Variants in KIAA0825 observed in about 807,000 individuals in gnomAD.
The protein encoded by KIAA0825 is KIAA0825, also known as uncharacterized protein KIAA0825.
In KIAA0825, 119 loss-of-function variants were observed where a neutral mutation model predicts 147.6. That is an observed-to-expected ratio of 0.81 (90% CI 0.69 to 0.94). The LOEUF is 0.94. Ranked by LOEUF, KIAA0825 falls within the 40% of genes least tolerant of loss-of-function variation. KIAA0825 has a pLI of 0.00. For synonymous variants in KIAA0825, 470 were observed against 518.1 expected (o/e 0.91, Z 1.26); for missense variants, 1,381 against 1,472.7 (o/e 0.94, Z 1.02).
intron 20 of KIAA0825, among the ~76,000 whole-genome samples, chr5:94,283,530 T>C (rs1777548288): frequency 6.6e-6 from 1 of 152,040 alleles, no homozygotes; most frequent in Non-Finnish European, 1.5e-5. Flanking sequence ...TCACTAAAAA[T>C]AGCAAAATCC....
intron 15 of KIAA0825, chr5:94,414,219 A>C (rs1398657538): frequency 6.6e-6 from 1 of 152,238 alleles, no homozygotes; most frequent in Non-Finnish European, 1.5e-5. Flanking sequence ...GCCATTATCG[A>C]GGAGCCAAGT....
At position 94,391,692 on chromosome 5, in the gene KIAA0825, G is replaced by A; in HGVS notation, c.3299C>T (p.Ala1100Val). 6.5e-7 allele frequency: 1 copy of A among 1,533,066 alleles called. No individual in the cohort carries two copies. Among genetic ancestry groups the A allele is most frequent in the Non-Finnish European group, 8.8e-7 (1 of 1,138,182 alleles). The allele number at this position is 1,533,066 out of a possible 1,614,324, so 95.0% of individuals were successfully genotyped here. A position where few individuals can be genotyped will look rare whatever the true frequency, so the allele number is the denominator to read the frequency against. The change falls in exon 18 of 21, where the codon GCA (alanine) becomes GTA (valine). Residue 1100 changes from alanine (A) to valine (V), a missense_variant and splice_region_variant. By Grantham distance (64) the Ala-to-Val change is moderately conservative. Coordinates refer to ENST00000682413, the MANE Select transcript of KIAA0825 (RefSeq NM_001145678.3). Reference sequence around the variant, plus strand: ...CGTGCTTTTCTCTATTGTCATAAATGCACTAAATACAAAGAAAGCATATAC... The same window carrying A: ...CGTGCTTTTCTCTATTGTCATAAATACACTAAATACAAAGAAAGCATATAC... Reference protein sequence around the residue: ...LKARKLSTECAFMTIEKSTAL... With the variant: ...LKARKLSTECVFMTIEKSTAL...
intron 20 of KIAA0825, among the ~76,000 whole-genome samples, chr5:94,379,704 A>T (rs970310990): frequency 3.9e-5 from 6 of 151,992 alleles, no homozygotes; most frequent in Non-Finnish European, 7.4e-5. Context: ...TTTTAACAAT[A>T]TTGATTATTC....
intron 17 of KIAA0825, among the ~76,000 whole-genome samples, chr5:94,395,395 G>C (rs1288365432): frequency 2.0e-5 from 3 of 152,190 alleles, no homozygotes; most frequent in Non-Finnish European, 2.9e-5. Context: ...GTGATCTGTA[G>C]ACCATGTGAG....
At chr5:94,439,159 A>T (rs1252639158) in intron 14 of KIAA0825, among the ~76,000 whole-genome samples, 1 of 152,194 alleles carries the variant, frequency 6.6e-6, no homozygotes, top group Non-Finnish European at 1.5e-5. Context: ...CTATTCTGGG[A>T]TCATATTTGA....
At chr5:94,202,984 C>G (rs1304580817) in intron 20 of KIAA0825, among the ~76,000 whole-genome samples, 2 of 152,308 alleles carry the variant, frequency 1.3e-5, no homozygotes, top group Middle Eastern at 3.4e-3. Flanking sequence ...TTTCTTAGAA[C>G]TGTACCCCTA....
At chr5:94,361,205 G>A (rs1050252081) in intron 20 of KIAA0825, among the ~76,000 whole-genome samples, 3 of 152,100 alleles carry the variant, frequency 2.0e-5, no homozygotes, top group Non-Finnish European at 4.4e-5. Context: ...ATTTTTGCAA[G>A]TTTTTTCATA....
chr5:94,369,744 T>TCGTA (rs1178410675), intron 20 of KIAA0825, among the ~76,000 whole-genome samples: 1 of 152,004 alleles, frequency 6.6e-6, no homozygotes, highest in Admixed American at 6.6e-5. Flanking sequence ...AACCAAAGAC[T>TCGTA]CGTATATAGA....
intron 14 of KIAA0825, among the ~76,000 whole-genome samples, chr5:94,433,700 C>T (rs763537171): frequency 6.6e-6 from 1 of 152,108 alleles, no homozygotes; most frequent in Non-Finnish European, 1.5e-5. Flanking sequence ...AGAGCTGTTA[C>T]GAGGTTTCAA....
chr5:94,161,337 T>A (rs1251733375), intron 20 of KIAA0825, among the ~76,000 whole-genome samples: 2 of 152,202 alleles, frequency 1.3e-5, no homozygotes, highest in Non-Finnish European at 2.9e-5. Flanking sequence ...TCTCACGCAT[T>A]GTGTTTTCCC....
At chr5:94,196,576 G>C (rs1401921929) in intron 20 of KIAA0825, among the ~76,000 whole-genome samples, 1 of 151,930 alleles carries the variant, frequency 6.6e-6, no homozygotes, top group East Asian at 1.9e-4. Flanking sequence ...CAGGTAATGA[G>C]CATAGTATCA....
intron 20 of KIAA0825, among the ~76,000 whole-genome samples, chr5:94,370,670 G>A (rs1746560020): frequency 6.6e-6 from 1 of 152,054 alleles, no homozygotes; most frequent in African/African-American, 2.4e-5. Context: ...ACTTTGGGAG[G>A]CCGAGGCGGG....
intron 13 of KIAA0825, among the ~76,000 whole-genome samples, chr5:94,448,065 C>G (rs1294746314): frequency 1.3e-5 from 2 of 151,518 alleles, no homozygotes; most frequent in Non-Finnish European, 2.9e-5. Context: ...TTATAATTGA[C>G]TAGGACAGCA....
chr5:94,299,980 G>A (rs1426824497), intron 20 of KIAA0825, among the ~76,000 whole-genome samples: 3 of 151,622 alleles, frequency 2.0e-5, no homozygotes, highest in African/African-American at 7.3e-5. Context: ...GGGCAAATTC[G>A]TTATATATAT....
chr5:94,271,707 A>G (rs1404244490), intron 20 of KIAA0825, among the ~76,000 whole-genome samples: 1 of 152,190 alleles, frequency 6.6e-6, no homozygotes, highest in African/African-American at 2.4e-5. Context: ...AGACCAGGCC[A>G]CTGCACTCCA....
At chr5:94,442,464 C>G (rs1757204270) in intron 13 of KIAA0825, among the ~76,000 whole-genome samples, 1 of 152,162 alleles carries the variant, frequency 6.6e-6, no homozygotes. Flanking sequence ...TTTATCAGTT[C>G]TGAACATCCC....
At chr5:94,181,028 GAGTTTT>G (rs1277581967) in intron 20 of KIAA0825, among the ~76,000 whole-genome samples, 3 of 152,076 alleles carry the variant, frequency 2.0e-5, no homozygotes, top group Admixed American at 1.3e-4. Flanking sequence ...TCAGAGTTGT[GAGTTTT>G]TACCATTTTT....
intron 20 of KIAA0825, among the ~76,000 whole-genome samples, chr5:94,263,799 T>C (rs946400421): frequency 2.0e-5 from 3 of 152,250 alleles, no homozygotes; most frequent in Non-Finnish European, 4.4e-5. Flanking sequence ...ACGTCCACTT[T>C]TGTAACTACT....
chr5:94,391,831 G>A (rs950651198), intron 17 of KIAA0825, 137 bp from the exon 18 acceptor site: 11 of 731,712 alleles, frequency 1.5e-5, no homozygotes, highest in Non-Finnish European at 2.3e-5. Context: ...AAATAGGTAA[G>A]CCTTCCCAAA....
Sources: allele counts gnomAD v4.1 joint callset (sites outside exome capture counted in the v4.1 genomes callset), GRCh38; gene constraint gnomAD v4.1.1; transcripts MANE v1.5; gene names NCBI Gene and HGNC (gene_info 2026-07-23, HGNC 2026-07-21).